The following LNX1 variants were observed in gnomAD, a reference collection of about 807,000 sequenced individuals.
The protein encoded by LNX1 is E3 ubiquitin-protein ligase LNX.
Under a neutral mutation model 68.4 loss-of-function variants are expected in LNX1, and 54 were observed. The ratio of observed to expected loss-of-function variants is 0.79; its 90% CI spans 0.63 to 0.99. LNX1 has a LOEUF of 0.99. Ranked by LOEUF, LNX1 falls within the 50% of genes least tolerant of loss-of-function variation. The pLI is 0.00. For synonymous variants in LNX1, 336 were observed against 350.0 expected (o/e 0.96, Z 0.45); for missense variants, 906 against 926.4 (o/e 0.98, Z 0.29).
intron 2 of LNX1, among the ~76,000 whole-genome samples, chr4:53,519,370 C>T (rs146270849): frequency 6.6e-6 from 1 of 151,784 alleles, no homozygotes; most frequent in Non-Finnish European, 1.5e-5. Flanking sequence ...GGTACCCTTT[C>T]TCTCCTGTTA....
intron 1 of LNX1, among the ~76,000 whole-genome samples, chr4:53,583,130 C>T (rs1372241717): frequency 1.3e-5 from 2 of 152,084 alleles, no homozygotes; most frequent in South Asian, 4.2e-4. Flanking sequence ...TTGACAGGAT[C>T]GATAATGTGC....
At position 53,582,515 on chromosome 4, in the gene LNX1, A is replaced by C. The variant is rs567605377; in HGVS notation, c.-86-8427T>G. ...CCACATGGAATGTGACATTTTACAA[A>C]CAGTGTGAGGCTCTGCCCTACTGTA... On this transcript the variant is annotated intron_variant, in intron 1 of 10. Coordinates refer to ENST00000263925, the MANE Select transcript of LNX1 (RefSeq NM_001126328.3). 6.6e-5 allele frequency among the ~76,000 whole-genome samples: 10 copies of C among 152,268 alleles called. No homozygotes were observed. The East Asian group carries it at 1.9e-3, about 29-fold the overall frequency.
intron 6 of LNX1, among the ~76,000 whole-genome samples, chr4:53,486,333 C>T (rs1192102097): frequency 2.0e-5 from 3 of 152,182 alleles, no homozygotes; most frequent in Admixed American, 1.3e-4. Context: ...ACGACTCTCC[C>T]GCCTCAGCAT....
At chr4:53,485,051 G>T (rs981111577) in intron 6 of LNX1, among the ~76,000 whole-genome samples, 3 of 152,206 alleles carry the variant, frequency 2.0e-5, no homozygotes, top group Non-Finnish European at 4.4e-5. Context: ...GAAGAAAGCT[G>T]ACATGAAGAA....
chr4:53,563,557 CAG>C (rs1479993772), intron 2 of LNX1, among the ~76,000 whole-genome samples: 1 of 127,716 alleles, frequency 7.8e-6, no homozygotes, highest in African/African-American at 3.5e-5. Flanking sequence ...TTTTTTGAGA[CAG>C]AGTCTCGCTC....
chr4:53,498,846 G>T lies in LNX1; in HGVS notation c.776-3C>A. 1 of 1,610,738 alleles carries T rather than the reference G, an allele frequency of 6.2e-7. No homozygotes were observed. The highest frequency in any genetic ancestry group is 8.5e-7 in the Non-Finnish European group (1 of 1,177,644). ...CAGGTGGTACAACCTTGGAAAGACT[G>T]AAATGGACAAAGAGTGTTTATTTAA... On this transcript the variant is annotated splice_region_variant and splice_polypyrimidine_tract_variant and intron_variant, in intron 4 of 10. Coordinates refer to ENST00000263925, the MANE Select transcript of LNX1 (RefSeq NM_001126328.3).
chr4:53,644,081 T>A (rs530856986), intron 1 of LNX1, among the ~76,000 whole-genome samples: 1 of 152,132 alleles, frequency 6.6e-6, no homozygotes, highest in Non-Finnish European at 1.5e-5. Flanking sequence ...CTATGTTTTG[T>A]ACTTCATTCT....
chr4:53,561,656 C>T (rs1294150447), intron 2 of LNX1, among the ~76,000 whole-genome samples: 2 of 152,216 alleles, frequency 1.3e-5, no homozygotes, highest in Non-Finnish European at 2.9e-5. Context: ...GGAGAAGAAA[C>T]TCCCAGGACA....
chr4:53,473,023 G>C lies in LNX1; in HGVS notation c.1892+3730C>G, dbSNP rs116140925. Among the ~76,000 whole-genome samples the C allele has an allele frequency of 4.1e-3, 617 of 152,168 alleles. 3 individuals are homozygous for C. The highest frequency in any genetic ancestry group is 5.9e-3 in the Non-Finnish European group (399 of 68,016). Reference sequence around the variant, plus strand: ...TTTTCAAATTTTTTTGTGACTCTCAGGCCTTGACTATGAAATACGGAAGGT... The same window carrying C: ...TTTTCAAATTTTTTTGTGACTCTCACGCCTTGACTATGAAATACGGAAGGT... On this transcript the variant is annotated intron_variant, in intron 9 of 10. Transcript: ENST00000263925.
chr4:53,600,345 A>C (rs190250730), intron 2 of LNX1, among the ~76,000 whole-genome samples: 174 of 152,332 alleles, frequency 1.1e-3, no homozygotes, highest in African/African-American at 4.0e-3. Context: ...TGGGAAAGGC[A>C]AAAGCCAGAG....
chr4:53,622,141 T>A (rs1197317852), upstream of LNX1, among the ~76,000 whole-genome samples: 1 of 152,228 alleles, frequency 6.6e-6, no homozygotes, highest in African/African-American at 2.4e-5. Context: ...TTTAAAAACA[T>A]GATTTATCAT....
intron 2 of LNX1, among the ~76,000 whole-genome samples, chr4:53,605,906 A>G (rs1733212766): frequency 6.6e-6 from 1 of 152,180 alleles, no homozygotes; most frequent in Non-Finnish European, 1.5e-5. Flanking sequence ...CAATCACCAG[A>G]TATCAGCTGG....
intron 1 of LNX1, among the ~76,000 whole-genome samples, chr4:53,583,001 T>A (rs1324090292): frequency 6.6e-6 from 1 of 152,184 alleles, no homozygotes; most frequent in African/African-American, 2.4e-5. Flanking sequence ...TAGCTGTAAC[T>A]CCTAAATCAG....
At chr4:53,544,202 C>T (rs558258741) in intron 2 of LNX1, among the ~76,000 whole-genome samples, 140 of 151,392 alleles carry the variant, frequency 9.2e-4, no homozygotes, top group African/African-American at 3.3e-3. Context: ...CTCTCTCTCT[C>T]TCTTTTTTTT....
intron 1 of LNX1, among the ~76,000 whole-genome samples, chr4:53,640,428 G>GA (rs952484379): frequency 6.6e-6 from 1 of 151,990 alleles, no homozygotes; most frequent in African/African-American, 2.4e-5. Flanking sequence ...AAAGTAAACA[G>GA]AAAAAAATGG....
Position 53,645,506 on chromosome 4 carries a change from T to C in LNX1, c.-215+6662A>G, listed in dbSNP as rs540567553. On this transcript the variant is annotated intron_variant, in intron 1 of 2. Transcript: ENST00000507168. ...GCCCAAAGAGCAAGGGCCACTGAAA[T>C]TGCCTTCTGAGTAATAGGATTGGCA... 3.9e-5 allele frequency among the ~76,000 whole-genome samples: 6 copies of C among 152,166 alleles called. No homozygotes were observed. In the East Asian group the frequency reaches 1.2e-3, roughly 29 times the overall value.
intron 2 of LNX1, among the ~76,000 whole-genome samples, chr4:53,567,889 A>C (rs1306171918): frequency 6.6e-6 from 1 of 152,102 alleles, no homozygotes; most frequent in Non-Finnish European, 1.5e-5. Context: ...TAAACTAGAA[A>C]ATCTAGAAGA....
At chr4:53,503,517 A>G (rs1485841928) in intron 4 of LNX1, among the ~76,000 whole-genome samples, 1 of 152,222 alleles carries the variant, frequency 6.6e-6, no homozygotes, top group East Asian at 1.9e-4. Flanking sequence ...TTTGAAAGGA[A>G]CTTTTCTTTC....
At chr4:53,621,274 C>T (rs1273372927), upstream of LNX1, among the ~76,000 whole-genome samples, 1 of 152,178 alleles carries the variant, frequency 6.6e-6, no homozygotes, top group African/African-American at 2.4e-5. Context: ...ATTCCCTGTG[C>T]AGTGCCCTCT....
Sources: allele counts gnomAD v4.1 joint callset (sites outside exome capture counted in the v4.1 genomes callset), GRCh38; gene constraint gnomAD v4.1.1; transcripts MANE v1.5; gene names NCBI Gene and HGNC (gene_info 2026-07-23, HGNC 2026-07-21).